MEGF11: variants seen among roughly 807,000 people sequenced by gnomAD.
The protein encoded by MEGF11 is multiple epidermal growth factor-like domains protein 11.
Under a neutral mutation model 146.6 loss-of-function variants are expected in MEGF11, and 126 were observed. The ratio of observed to expected loss-of-function variants is 0.86; its 90% confidence interval spans 0.74 to 1.00. MEGF11 has a LOEUF of 1.00. Ranked by LOEUF, MEGF11 falls within the 50% of genes least tolerant of loss-of-function variation. The pLI is 0.00. For synonymous variants in MEGF11, 532 were observed against 583.4 expected, an observed-to-expected ratio of 0.91 and a Z score of 1.27; for missense variants, 1,509 against 1,521.2, an observed-to-expected ratio of 0.99 and a Z score of 0.13.
chr15:65,905,447 C>CAA (rs905621188), intron 24 of MEGF11: 4 of 152,246 alleles, frequency 2.6e-5, no homozygotes, highest in African/African-American at 9.6e-5. Context: ...TGGCAAGTGA[C>CAA]AGAGTTCCAA....
intron 1 of MEGF11, among the ~76,000 whole-genome samples, chr15:66,130,892 T>C (rs1330830919): frequency 6.6e-6 from 1 of 152,120 alleles, no homozygotes; most frequent in African/African-American, 2.4e-5. Flanking sequence ...CAAAGACATA[T>C]GCTTATGAGA....
chr15:65,963,722 A>C (rs1397426541), intron 9 of MEGF11, among the ~76,000 whole-genome samples: 1 of 152,200 alleles, frequency 6.6e-6, no homozygotes, highest in Non-Finnish European at 1.5e-5. Context: ...TGGCTCTAGC[A>C]CCCTCTCTGG....
chr15:65,957,187 C>A (rs1300828787), intron 10 of MEGF11, among the ~76,000 whole-genome samples: 1 of 152,186 alleles, frequency 6.6e-6, no homozygotes, highest in Non-Finnish European at 1.5e-5. Context: ...GAAGCCTAAG[C>A]AGCAACATAG....
At chr15:66,155,291 C>T (rs533705927) in intron 1 of MEGF11, among the ~76,000 whole-genome samples, 131 of 152,250 alleles carry the variant, frequency 8.6e-4, no homozygotes, top group Non-Finnish European at 1.5e-3. Context: ...GGCTCAGAGG[C>T]AAGACAGGAG....
intron 5 of MEGF11, among the ~76,000 whole-genome samples, chr15:66,004,796 C>T (rs1313840779): frequency 1.3e-5 from 2 of 152,198 alleles, no homozygotes; most frequent in East Asian, 1.9e-4. Flanking sequence ...AATTCTCAAG[C>T]CTCACAACAC....
At chr15:65,954,231 G>T (rs958829421) in intron 10 of MEGF11, among the ~76,000 whole-genome samples, 39 of 152,142 alleles carry the variant, frequency 2.6e-4, no homozygotes, top group African/African-American at 8.7e-4. Context: ...GGATAAAGGC[G>T]CGTACATACA....
chr15:66,115,970 C>A (rs1050922036), intron 4 of MEGF11, among the ~76,000 whole-genome samples: 1 of 152,190 alleles, frequency 6.6e-6, no homozygotes, highest in African/African-American at 2.4e-5. Context: ...GCCGGTGAAG[C>A]CGCCCAGCCT....
chr15:66,053,706 C>A (rs2084547064), intron 5 of MEGF11, among the ~76,000 whole-genome samples: 2 of 146,382 alleles, frequency 1.4e-5, no homozygotes. Context: ...TCCCCCTCCC[C>A]TGGCACCAAT....
chr15:66,082,753 C>T (rs2085945849), intron 5 of MEGF11, among the ~76,000 whole-genome samples: 1 of 150,266 alleles, frequency 6.7e-6, no homozygotes, highest in Admixed American at 6.7e-5. Flanking sequence ...AAATCACCAT[C>T]ACCTTCCTCC....
chr15:66,098,546 C>T (rs1433652651), intron 4 of MEGF11, among the ~76,000 whole-genome samples: 1 of 152,192 alleles, frequency 6.6e-6, no homozygotes, highest in Non-Finnish European at 1.5e-5. Flanking sequence ...AGCTAAGATC[C>T]AAGAAGGCTG....
chr15:65,971,492 T>A (rs945429537), intron 7 of MEGF11, among the ~76,000 whole-genome samples: 1 of 152,154 alleles, frequency 6.6e-6, no homozygotes, highest in East Asian at 1.9e-4. Context: ...GAGGTTGGTG[T>A]CACAGGCTGT....
At chr15:66,130,257 G>C (rs565822600) in intron 1 of MEGF11, among the ~76,000 whole-genome samples, 5 of 152,304 alleles carry the variant, frequency 3.3e-5, no homozygotes, top group Admixed American at 6.5e-5. Flanking sequence ...TTCCAAGTGG[G>C]GTTTGGGCTA....
chr15:66,111,889 A>C (rs1295848090), intron 4 of MEGF11, among the ~76,000 whole-genome samples: 4 of 152,172 alleles, frequency 2.6e-5, no homozygotes, highest in Non-Finnish European at 4.4e-5. Flanking sequence ...AATTCACATC[A>C]ATTAAGAGAA....
At chr15:65,903,107 T>C (rs1009063060) in intron 24 of MEGF11, among the ~76,000 whole-genome samples, 2 of 151,808 alleles carry the variant, frequency 1.3e-5, no homozygotes, top group African/African-American at 4.8e-5. Context: ...GAGGAGGAGG[T>C]CTTGGGGTCA....
intron 5 of MEGF11, among the ~76,000 whole-genome samples, chr15:66,050,890 C>T (rs2084422418): frequency 6.6e-6 from 1 of 152,222 alleles, no homozygotes; most frequent in African/African-American, 2.4e-5. Context: ...TGGCACTGCC[C>T]TCTGGGGGTT....
At chr15:65,930,995 G>A in intron 10 of MEGF11, 52 bp from the exon 11 acceptor site, 1 of 1,474,978 alleles carries the variant, frequency 6.8e-7, no homozygotes, top group Non-Finnish European at 9.1e-7. Context: ...ATGTTGGATG[G>A]CTGTGGTAGG....
intron 5 of MEGF11, among the ~76,000 whole-genome samples, chr15:66,027,349 T>C (rs971361092): frequency 2.6e-5 from 4 of 152,376 alleles, no homozygotes; most frequent in Admixed American, 1.3e-4. Context: ...TGGGCTGTTA[T>C]GCCTGAGTAC....
At chr15:66,083,093 T>C (rs976460368) in intron 5 of MEGF11, among the ~76,000 whole-genome samples, 5 of 152,196 alleles carry the variant, frequency 3.3e-5, no homozygotes, top group African/African-American at 1.2e-4. Context: ...CTCCCTGATG[T>C]ACTTTCCAAA....
intron 5 of MEGF11, among the ~76,000 whole-genome samples, chr15:66,025,081 G>A (rs891317773): frequency 2.6e-5 from 4 of 152,040 alleles, no homozygotes; most frequent in East Asian, 3.9e-4. Flanking sequence ...GATGAATTCC[G>A]GCCAGGTCTG....
Sources: gnomAD v4.1 joint callset for allele counts (sites outside exome capture counted in the v4.1 genomes callset) on GRCh38, gnomAD v4.1.1 for gene constraint, MANE v1.5 for transcripts, NCBI Gene and HGNC (gene_info 2026-07-23, HGNC 2026-07-21) for gene names.